The following ADGRV1 variants were observed in gnomAD, a reference collection of about 807,000 sequenced individuals.
ADGRV1 encodes the protein adhesion G protein-coupled receptor V1.
Under a neutral mutation model 596.2 loss-of-function variants are expected in ADGRV1, and 359 were observed. The observed-to-expected ratio is 0.60, with a 90% CI of 0.55 to 0.66. ADGRV1 has a LOEUF of 0.66. ADGRV1 is among the 30% of genes least tolerant of loss of function. The pLI is 0.00. For synonymous variants in ADGRV1, 2,681 were observed against 2,679.2 expected, an observed-to-expected ratio of 1.00 and a Z score of -0.02; for missense variants, 7,274 against 7,575.6, an observed-to-expected ratio of 0.96 and a Z score of 1.48.
At chr5:90,777,586 A>G (rs1758381413) in intron 61 of ADGRV1, among the ~76,000 whole-genome samples, 1 of 152,122 alleles carries the variant, frequency 6.6e-6, no homozygotes, top group African/African-American at 2.4e-5. Flanking sequence ...TAGACTTTTC[A>G]TATTTTGTAC....
intron 11 of ADGRV1, among the ~76,000 whole-genome samples, chr5:90,642,132 G>A (rs937012555): frequency 3.9e-5 from 6 of 152,000 alleles, no homozygotes; most frequent in South Asian, 2.1e-4. Context: ...TTTTATCAGC[G>A]TGGCTTGCTT....
chr5:90,750,766 C>T, intron 53 of ADGRV1, 69 bp downstream of exon 53: 1 of 1,217,396 alleles, frequency 8.2e-7, no homozygotes, highest in Middle Eastern at 1.9e-4. Flanking sequence ...GGGACCAAAT[C>T]CTGCCTTATG....
At position 90,853,317 on chromosome 5, in the gene ADGRV1, G is replaced by A. The variant is rs776799392; in HGVS notation, c.17238G>A (p.Leu5746=). The A allele has an allele frequency of 3.1e-6, 5 of 1,610,722 alleles. No homozygotes were observed. Among genetic ancestry groups the A allele is most frequent in the Admixed American group, 3.3e-5 (2 of 59,888 alleles). The change falls in exon 80 of 90, where the codon TTG becomes TTA. Residue 5746 remains leucine, a synonymous_variant. Transcript: ENST00000405460. ...CCATCCTTGATAGTTGCCCATATTT[G>A]TCAATATTGGCTCTTCACTGGTATC... ...SKTILDSCPY[L]SILALHWYPQ... is the part of the protein sequence containing the mutation.
intron 85 of ADGRV1, among the ~76,000 whole-genome samples, chr5:91,041,301 C>G (rs549809120): frequency 1.3e-5 from 2 of 152,226 alleles, no homozygotes; most frequent in South Asian, 4.2e-4. Flanking sequence ...GAATACTATG[C>G]AGCCATAAAA....
chr5:90,777,235 G>A (rs1480439344), intron 61 of ADGRV1, among the ~76,000 whole-genome samples: 1 of 152,050 alleles, frequency 6.6e-6, no homozygotes, highest in African/African-American at 2.4e-5. Context: ...ACCAGATCTT[G>A]TGAGAACTCT....
chr5:90,580,200 A>G (rs1561322018), intron 1 of ADGRV1, among the ~76,000 whole-genome samples: 1 of 152,182 alleles, frequency 6.6e-6, no homozygotes, highest in Non-Finnish European at 1.5e-5. Context: ...CAGTTTCTTC[A>G]CAGCATTGAT....
chr5:90,670,590 C>T (rs902508556), intron 21 of ADGRV1, among the ~76,000 whole-genome samples: 5 of 152,118 alleles, frequency 3.3e-5, no homozygotes, highest in Non-Finnish European at 5.9e-5. Flanking sequence ...TGTTGCATAT[C>T]GGCCAGACTC....
At chr5:91,102,088 G>T in intron 86 of ADGRV1, 131 bp from the exon 87 acceptor site, 1 of 805,514 alleles carries the variant, frequency 1.2e-6, no homozygotes, top group Non-Finnish European at 1.9e-6. Context: ...TCTGGCATAA[G>T]AATGGGATTT....
chr5:90,871,490 C>T (rs1768673469), intron 83 of ADGRV1, among the ~76,000 whole-genome samples: 1 of 152,152 alleles, frequency 6.6e-6, no homozygotes, highest in African/African-American at 2.4e-5. Flanking sequence ...GAAATTCAGA[C>T]TTTCCCAAGT....
intron 83 of ADGRV1, among the ~76,000 whole-genome samples, chr5:90,898,485 T>A (rs1338193561): frequency 6.6e-6 from 1 of 152,200 alleles, no homozygotes; most frequent in Non-Finnish European, 1.5e-5. Flanking sequence ...TCAGGCTTAA[T>A]TCACTTAGTC....
chr5:90,820,530 G>T (rs1211418002), intron 75 of ADGRV1, among the ~76,000 whole-genome samples: 1 of 151,732 alleles, frequency 6.6e-6, no homozygotes, highest in Non-Finnish European at 1.5e-5. Flanking sequence ...TTACATTTTG[G>T]CATGATTTTG....
At chr5:90,751,947 C>T (rs1189393003) in intron 53 of ADGRV1, among the ~76,000 whole-genome samples, 1 of 152,098 alleles carries the variant, frequency 6.6e-6, no homozygotes, top group Non-Finnish European at 1.5e-5. Context: ...AACATGATTA[C>T]AATTATTTCT....
At chr5:91,019,143 A>G (rs1170099032) in intron 85 of ADGRV1, among the ~76,000 whole-genome samples, 11 of 152,032 alleles carry the variant, frequency 7.2e-5, no homozygotes, top group Non-Finnish European at 1.3e-4. Flanking sequence ...AGCAGATAAC[A>G]TTGATTATCC....
chr5:90,968,725 T>G (rs1778691756), intron 84 of ADGRV1, among the ~76,000 whole-genome samples: 1 of 152,156 alleles, frequency 6.6e-6, no homozygotes, highest in African/African-American at 2.4e-5. Flanking sequence ...TTTTCTAAAA[T>G]CCGTTTTAAA....
chr5:91,035,861 T>TATATATATATATATATATATA, intron 85 of ADGRV1, among the ~76,000 whole-genome samples: 3 of 96,400 alleles, frequency 3.1e-5, no homozygotes, highest in African/African-American at 1.1e-4. Context: ...TATATATATA[T>TATATATATATATATATATATA]TATATATATA....
intron 73 of ADGRV1, 24 bp from the exon 74 acceptor site, chr5:90,810,209 T>C (rs765558230): frequency 1.3e-6 from 2 of 1,509,084 alleles, no homozygotes; most frequent in South Asian, 1.3e-5. Flanking sequence ...AATCAATTTC[T>C]TCATGATTTA....
At chr5:90,729,828 C>T in intron 50 of ADGRV1, 64 bp downstream of exon 50, 1 of 1,519,852 alleles carries the variant, frequency 6.6e-7, no homozygotes, top group Non-Finnish European at 9.1e-7. Flanking sequence ...TGATTTTAAT[C>T]TCATTGATTT....
At chr5:90,949,845 GGACTGTGTGCATT>G (rs1387909783) in intron 83 of ADGRV1, among the ~76,000 whole-genome samples, 1 of 150,466 alleles carries the variant, frequency 6.6e-6, no homozygotes, top group Non-Finnish European at 1.5e-5. Flanking sequence ...ATTTTAAAAT[GGACTGTGTGCATT>G]GACTCTTTGG....
intron 83 of ADGRV1, among the ~76,000 whole-genome samples, chr5:90,921,033 A>G (rs1468891235): frequency 1.3e-5 from 2 of 152,204 alleles, no homozygotes; most frequent in Non-Finnish European, 2.9e-5. Context: ...TTAATAAATA[A>G]AACACTATCA....
Sources: gnomAD v4.1 joint callset for allele counts (sites outside exome capture counted in the v4.1 genomes callset) on GRCh38, gnomAD v4.1.1 for gene constraint, MANE v1.5 for transcripts, NCBI Gene and HGNC (gene_info 2026-07-23, HGNC 2026-07-21) for gene names.